The following SIK3 variants were observed in gnomAD, a reference collection of about 807,000 sequenced individuals.
SIK3 encodes the protein serine/threonine-protein kinase SIK3.
A neutral mutation model predicts 144.2 loss-of-function variants in SIK3; 28 were observed. That is an observed-to-expected ratio of 0.19 (90% CI 0.14 to 0.27). The LOEUF is 0.27. SIK3 is among the 10% of genes least tolerant of loss of function. The pLI, the probability that SIK3 is intolerant of heterozygous loss-of-function variation, is 1.00. For missense variants in SIK3, 1,319 were observed against 1,776.0 expected (o/e 0.74, Z 4.62); for synonymous variants, 686 against 676.3 (o/e 1.01, Z -0.22).
At chr11:116,974,793 C>T (rs1002127778) in intron 1 of SIK3, among the ~76,000 whole-genome samples, 1 of 152,170 alleles carries the variant, frequency 6.6e-6, no homozygotes, top group Non-Finnish European at 1.5e-5. Flanking sequence ...TTTTGACTTA[C>T]AGTGTGGTGC....
intron 1 of SIK3, among the ~76,000 whole-genome samples, chr11:117,072,569 G>A (rs1304599080): frequency 6.6e-6 from 1 of 152,052 alleles, no homozygotes; most frequent in African/African-American, 2.4e-5. Context: ...CTCCAGAGGC[G>A]AACCCATACC....
At chr11:117,064,877 C>A in intron 1 of SIK3, among the ~76,000 whole-genome samples, 1 of 152,072 alleles carries the variant, frequency 6.6e-6, no homozygotes, top group East Asian at 1.9e-4. Context: ...GTCGGCCAGG[C>A]GGTGGCTCAC....
At chr11:116,947,639 C>G (rs1401687787) in intron 3 of SIK3, among the ~76,000 whole-genome samples, 17 of 150,490 alleles carry the variant, frequency 1.1e-4, no homozygotes, top group Admixed American at 2.0e-4. Context: ...GATCTCGGCT[C>G]ACTGCAAGTT....
At chr11:117,062,768 T>G (rs1169499780) in intron 1 of SIK3, among the ~76,000 whole-genome samples, 6 of 151,928 alleles carry the variant, frequency 3.9e-5, no homozygotes, top group Non-Finnish European at 8.8e-5. Flanking sequence ...AACGGGAGGA[T>G]TTTCCCAGAA....
At chr11:117,042,335 C>T (rs61905715) in intron 1 of SIK3, among the ~76,000 whole-genome samples, 4,713 of 152,226 alleles carry the variant, frequency 0.031, 95 homozygotes, top group Non-Finnish European at 0.036. Context: ...ATGTGAAATA[C>T]GCTAGTAAAC....
intron 1 of SIK3, among the ~76,000 whole-genome samples, chr11:117,058,766 G>A (rs528577651): frequency 1.3e-5 from 2 of 152,212 alleles, no homozygotes; most frequent in East Asian, 3.9e-4. Flanking sequence ...AGAATAATAA[G>A]CACAGATGAG....
chr11:116,859,543 T>A lies in SIK3; in HGVS notation c.2487A>T (p.Gln829His). The change falls in exon 20 of 25, where the codon CAA (glutamine) becomes CAT (histidine). Residue 829 changes from glutamine to histidine, a missense_variant. Gln to His is a conservative substitution (Grantham distance 24). Transcript: ENST00000445177. Reference protein sequence around the residue: ...LPSRSAIFQQQPENCSSPPNV... With the variant: ...LPSRSAIFQQHPENCSSPPNV... ...TGGGAGGAGAGGAACAGTTCTCAGG[T>A]TGCTGCTGAAAGATTGCACTGCGGG... The A allele has an allele frequency of 1.9e-6, 3 of 1,614,158 alleles. No homozygotes were observed. In the South Asian group the frequency reaches 3.3e-5, roughly 18 times the overall value.
Position 116,858,565 on chromosome 11 carries a change from G to A in SIK3, c.2900C>T (p.Ala967Val). 3 of 1,613,886 alleles carry A rather than the reference G, an allele frequency of 1.9e-6. No homozygotes were observed. The highest frequency in any genetic ancestry group is 2.5e-6 in the Non-Finnish European group (3 of 1,179,956). The change falls in exon 21 of 25, where the codon GCC (alanine) becomes GTC (valine). Residue 967 changes from alanine (A) to valine (V), a missense_variant. Physicochemically the swap from Ala to Val is moderately conservative, Grantham distance 64. This residue lies in a region of SIK3 where 646 missense variants were observed against 763.7 expected (regional missense o/e 0.85). Coordinates refer to ENST00000445177, the MANE Select transcript of SIK3 (RefSeq NM_001366686.3). The surrounding 1 kb of genome is among the most constrained non-coding windows in gnomAD (Gnocchi z 5.4). ...STGVGFSPTQ[A>V]LKVPPLDQFP... ...TTGGTCAAGTGGAGGGACTTTCAGGGCTTGGGTTGGAGAGAACCCCACTCC... is the reference window on the plus strand; with the variant it reads ...TTGGTCAAGTGGAGGGACTTTCAGGACTTGGGTTGGAGAGAACCCCACTCC...
chr11:116,886,331 T>C (rs1490853371), intron 6 of SIK3, among the ~76,000 whole-genome samples: 2 of 152,196 alleles, frequency 1.3e-5, no homozygotes, highest in Admixed American at 6.5e-5. Flanking sequence ...ATATGGAGAC[T>C]TGGTGGGTGA....
At chr11:116,907,598 A>T (rs1946112807) in intron 4 of SIK3, among the ~76,000 whole-genome samples, 1 of 152,166 alleles carries the variant, frequency 6.6e-6, no homozygotes, top group South Asian at 2.1e-4. Flanking sequence ...ACCAGAGTCG[A>T]AATTGCACCC....
At chr11:116,879,536 G>A (rs1447721020) in intron 6 of SIK3, among the ~76,000 whole-genome samples, 1 of 151,996 alleles carries the variant, frequency 6.6e-6, no homozygotes, top group Admixed American at 6.6e-5. Context: ...ACTTTTCTAG[G>A]GTGAATTCAA....
chr11:116,982,771 C>G (rs1485266224), intron 1 of SIK3, among the ~76,000 whole-genome samples: 1 of 151,230 alleles, frequency 6.6e-6, no homozygotes, highest in Non-Finnish European at 1.5e-5. Context: ...ATGGTGAAAA[C>G]CATCTCTATT....
At position 116,923,876 on chromosome 11, in the gene SIK3, A is replaced by C. The variant is rs530189210; in HGVS notation, c.616+3343T>G. Among the ~76,000 whole-genome samples the C allele has an allele frequency of 1.8e-3, 273 of 152,368 alleles. 1 individual carries two copies. In the Middle Eastern group the frequency reaches 0.02, roughly 11 times the overall value. ...TAACTATTAACAACAACAACAACAGAAAAGTCTTTAAAAATCTCCTTACCA... is the reference window on the plus strand; with the variant it reads ...TAACTATTAACAACAACAACAACAGCAAAGTCTTTAAAAATCTCCTTACCA... On this transcript the variant is annotated intron_variant, in intron 4 of 24. Transcript: ENST00000445177.
intron 3 of SIK3, among the ~76,000 whole-genome samples, chr11:116,935,034 G>A (rs571632630): frequency 2.0e-5 from 3 of 152,030 alleles, no homozygotes; most frequent in African/African-American, 4.8e-5. Flanking sequence ...GCAGTAAGCC[G>A]AGATCGTGCC....
chr11:116,960,845 C>A (rs1424415083), intron 1 of SIK3, among the ~76,000 whole-genome samples: 2 of 152,176 alleles, frequency 1.3e-5, no homozygotes, highest in Non-Finnish European at 2.9e-5. Flanking sequence ...TTATTTTCTT[C>A]TGGAATCAAG....
intron 1 of SIK3, among the ~76,000 whole-genome samples, chr11:116,958,597 G>A (rs1375182749): frequency 6.6e-6 from 1 of 151,730 alleles, no homozygotes; most frequent in Non-Finnish European, 1.5e-5. Context: ...AACAGACAGA[G>A]GATGGTGAAT....
rs1952431961 is a variant in SIK3, at chr11:117,034,997, C to A, written c.273+63146G>T. ...CCATGTTTTACAACTGCAAATAATG[C>A]AATGATAAAACTGAAAGTTTTGAAC... On this transcript the variant is annotated intron_variant, in intron 1 of 24. Transcript: ENST00000445177. Among the ~76,000 whole-genome samples, 3 of 152,130 alleles carry A rather than the reference C, an allele frequency of 2.0e-5. No individual in the cohort carries two copies. The South Asian group carries it at 6.2e-4, about 32-fold the overall frequency.
chr11:116,909,577 A>G (rs530009067), intron 4 of SIK3, among the ~76,000 whole-genome samples: 1 of 152,328 alleles, frequency 6.6e-6, no homozygotes, highest in Middle Eastern at 3.4e-3. Context: ...CAAAAGAGAC[A>G]AGAATAGCTC....
chr11:117,012,755 A>G (rs962697183), intron 1 of SIK3, among the ~76,000 whole-genome samples: 6 of 151,272 alleles, frequency 4.0e-5, no homozygotes, highest in Admixed American at 2.0e-4. Flanking sequence ...AGATCTCTCA[A>G]TTGGGCACTT....
Sources: gnomAD v4.1 joint callset for allele counts (sites outside exome capture counted in the v4.1 genomes callset) on GRCh38, gnomAD v4.1.1 for gene constraint, gnomAD v4.1.1 regional missense constraint, Gnocchi (gnomAD v3.1) non-coding constraint, MANE v1.5 for transcripts, NCBI Gene and HGNC (gene_info 2026-07-23, HGNC 2026-07-21) for gene names.